Variants in LRBA observed in about 807,000 individuals in gnomAD.
LRBA encodes lipopolysaccharide-responsive and beige-like anchor protein.
In LRBA, 176 loss-of-function variants were observed where a neutral mutation model predicts 330.0. The ratio of observed to expected loss-of-function variants is 0.53; its 90% CI spans 0.47 to 0.60. LRBA has a LOEUF of 0.60. Ranked by LOEUF, LRBA falls within the 20% of genes least tolerant of loss-of-function variation. The probability of loss-of-function intolerance (pLI) is 0.00; values close to 1 mark genes in which losing one functional copy is unlikely to be tolerated. For synonymous variants in LRBA, 1,230 were observed against 1,193.0 expected (o/e 1.03, Z -0.64); for missense variants, 3,259 against 3,444.8 (o/e 0.95, Z 1.35).
In LRBA at chr4:151,008,414, A is replaced by T. The variant is rs536341785; in HGVS notation, c.216+6013T>A. On this transcript the variant is annotated intron_variant, in intron 2 of 56. Transcript: ENST00000651943. ...GTGGTTTTTATGGCATGTAAAATACAGTTGTCCCTTGCTATACTGGGGACA... is the reference window on the plus strand; with the variant it reads ...GTGGTTTTTATGGCATGTAAAATACTGTTGTCCCTTGCTATACTGGGGACA... Among the ~76,000 whole-genome samples, 11 of 152,228 alleles carry T rather than the reference A, an allele frequency of 7.2e-5. No individual in the cohort carries two copies. The South Asian group carries it at 2.3e-3, about 32-fold the overall frequency.
At chr4:150,836,509 T>G (rs1363202330) in intron 28 of LRBA, among the ~76,000 whole-genome samples, 1 of 152,220 alleles carries the variant, frequency 6.6e-6, no homozygotes, top group Non-Finnish European at 1.5e-5. Flanking sequence ...GGGATTCAAC[T>G]TCTTCCTGGT....
rs1749168822 is a variant in LRBA at position 150,842,057 on chromosome 4, T to C, written c.4569+2043A>G. Among the ~76,000 whole-genome samples, 3 of 152,180 alleles carry C rather than the reference T, an allele frequency of 2.0e-5. No individual in the cohort carries two copies. In the South Asian group the frequency reaches 6.2e-4, roughly 32 times the overall value. ...TCTTTTTTCTAAAACTCCTATAAGG[T>C]GATTATATAACTTTTATAATTACAA... On this transcript the variant is annotated intron_variant, in intron 28 of 56. Transcript: ENST00000651943.
Position 150,647,570 on chromosome 4 carries a change from A to T in LRBA, c.5921+35981T>A, listed in dbSNP as rs547045948. 2.6e-5 allele frequency among the ~76,000 whole-genome samples: 4 copies of T among 151,476 alleles called. No homozygotes were observed. The East Asian group carries it at 7.8e-4, about 29-fold the overall frequency. On this transcript the variant is annotated intron_variant, in intron 37 of 56. Coordinates refer to ENST00000651943, the MANE Select transcript of LRBA (RefSeq NM_001364905.1). ...CAACATACCCAGCTAATTTTTTTAA[A>T]TTATGTGTTGTAGAGACAGGGTCTC...
chr4:150,578,581 A>G (rs1394377191), intron 40 of LRBA, among the ~76,000 whole-genome samples: 1 of 152,222 alleles, frequency 6.6e-6, no homozygotes, highest in East Asian at 1.9e-4. Context: ...AAACATTCAC[A>G]TTGCTATAAA....
chr4:150,692,388 T>G (rs1223138532), intron 36 of LRBA, among the ~76,000 whole-genome samples: 1 of 151,952 alleles, frequency 6.6e-6, no homozygotes, highest in African/African-American at 2.4e-5. Context: ...CCAACTAATT[T>G]TTTCGATTTA....
At chr4:150,292,145 T>C (rs1728391313) in intron 53 of LRBA, among the ~76,000 whole-genome samples, 1 of 152,114 alleles carries the variant, frequency 6.6e-6, no homozygotes, top group Admixed American at 6.6e-5. Context: ...TCAAACAGAC[T>C]CCGAACCACT....
intron 37 of LRBA, among the ~76,000 whole-genome samples, chr4:150,610,482 G>A (rs1485995557): frequency 2.6e-5 from 4 of 152,058 alleles, no homozygotes; most frequent in Non-Finnish European, 5.9e-5. Flanking sequence ...CCAGCTACAC[G>A]GGAGACTGAG....
rs557625169 is a variant in LRBA, at chr4:150,861,442, G to A, written c.2766+6229C>T. Reference sequence around the variant, plus strand: ...TTCCCAGCCCTTATATTGTGTGTACGTAAGGTTTAGAAATGTGTATCTAAA... The same window carrying A: ...TTCCCAGCCCTTATATTGTGTGTACATAAGGTTTAGAAATGTGTATCTAAA... On this transcript the variant is annotated intron_variant, in intron 22 of 56. Transcript: ENST00000651943. Among the ~76,000 whole-genome samples the A allele has an allele frequency of 7.9e-5, 12 of 152,208 alleles. No individual in the cohort carries two copies. The East Asian group carries it at 1.7e-3, about 22-fold the overall frequency.
At chr4:150,866,044 C>G (rs1051284685) in intron 22 of LRBA, among the ~76,000 whole-genome samples, 9 of 152,100 alleles carry the variant, frequency 5.9e-5, no homozygotes, top group Non-Finnish European at 7.4e-5. Context: ...TACAGAATGA[C>G]AAAATATCTT....
intron 56 of LRBA, among the ~76,000 whole-genome samples, chr4:150,267,234 T>A (rs764509033): frequency 2.0e-5 from 3 of 152,168 alleles, no homozygotes; most frequent in Non-Finnish European, 4.4e-5. Context: ...AACAATAGAA[T>A]ATACATTTTT....
chr4:150,424,452 A>C (rs1749270974), intron 46 of LRBA, among the ~76,000 whole-genome samples: 1 of 152,224 alleles, frequency 6.6e-6, no homozygotes, highest in Non-Finnish European at 1.5e-5. Flanking sequence ...CTATATGTAC[A>C]TCTAAGAAAG....
chr4:150,733,846 C>A (rs925050893), intron 36 of LRBA, among the ~76,000 whole-genome samples: 1 of 152,062 alleles, frequency 6.6e-6, no homozygotes, highest in Non-Finnish European at 1.5e-5. Context: ...AATAACCTCA[C>A]CAAATTCTCT....
At chr4:150,341,733 TAC>T (rs1197759805) in intron 48 of LRBA, among the ~76,000 whole-genome samples, 1 of 151,226 alleles carries the variant, frequency 6.6e-6, no homozygotes, top group Admixed American at 6.6e-5. Flanking sequence ...TTTATTTACA[TAC>T]ACACAGACAT....
intron 2 of LRBA, among the ~76,000 whole-genome samples, chr4:150,965,719 T>C (rs1738805934): frequency 6.6e-6 from 1 of 151,962 alleles, no homozygotes; most frequent in Admixed American, 6.6e-5. Context: ...TTTTTTTTTT[T>C]TTTTAATACA....
intron 37 of LRBA, among the ~76,000 whole-genome samples, chr4:150,656,698 T>C (rs778095885): frequency 6.6e-6 from 1 of 152,204 alleles, no homozygotes; most frequent in Non-Finnish European, 1.5e-5. Context: ...AAATGTTTAT[T>C]GGGCACTATA....
intron 34 of LRBA, among the ~76,000 whole-genome samples, chr4:150,770,634 GAAAGA>G (rs1358668252): frequency 6.6e-6 from 1 of 150,644 alleles, no homozygotes; most frequent in African/African-American, 2.4e-5. Flanking sequence ...CACAAAATAA[GAAAGA>G]AATGTAACAA....
intron 47 of LRBA, among the ~76,000 whole-genome samples, chr4:150,370,086 A>G (rs948721894): frequency 6.6e-6 from 1 of 152,194 alleles, no homozygotes; most frequent in African/African-American, 2.4e-5. Flanking sequence ...ACCAAAATAC[A>G]TTAAGAAATA....
At chr4:150,979,961 T>A (rs553931788) in intron 2 of LRBA, among the ~76,000 whole-genome samples, 1 of 152,064 alleles carries the variant, frequency 6.6e-6, no homozygotes, top group Non-Finnish European at 1.5e-5. Context: ...ACTTCCAAAC[T>A]CATTCAACAT....
chr4:150,622,054 C>A (rs925416645), intron 37 of LRBA, among the ~76,000 whole-genome samples: 2 of 152,284 alleles, frequency 1.3e-5, no homozygotes, highest in Middle Eastern at 3.4e-3. Flanking sequence ...AAGCAAGCAG[C>A]AGCATGTTTA....
Sources: allele counts gnomAD v4.1 joint callset (sites outside exome capture counted in the v4.1 genomes callset), GRCh38; gene constraint gnomAD v4.1.1; transcripts MANE v1.5; gene names NCBI Gene and HGNC (gene_info 2026-07-23, HGNC 2026-07-21).